The following ITK variants were observed in gnomAD, a reference collection of about 807,000 sequenced individuals.
ITK encodes the protein tyrosine-protein kinase ITK/TSK.
A neutral mutation model predicts 87.6 loss-of-function variants in ITK; 45 were observed. That is an observed-to-expected ratio of 0.51 (90% CI 0.40 to 0.66). The LOEUF is 0.66. Among genes scored for constraint, ITK ranks in the 30% least tolerant of loss-of-function variants. The pLI, the probability that ITK is intolerant of heterozygous loss-of-function variation, is 0.00. For missense variants in ITK, 605 were observed against 766.3 expected (o/e 0.79, Z 2.48); for synonymous variants, 303 against 273.6 (o/e 1.11, Z -1.06).
At chr5:157,198,725 AT>A (rs1271454221) in intron 1 of ITK, among the ~76,000 whole-genome samples, 1 of 152,072 alleles carries the variant, frequency 6.6e-6, no homozygotes, top group Non-Finnish European at 1.5e-5. Context: ...CAAGATGCTA[AT>A]TTTTCCATAG....
chr5:157,185,477 T>C (rs1348059607), intron 1 of ITK, among the ~76,000 whole-genome samples: 2 of 152,066 alleles, frequency 1.3e-5, no homozygotes, highest in East Asian at 3.9e-4. Flanking sequence ...CCTGACCTCA[T>C]GGTCTGCCCA....
At chr5:157,236,143 G>C (rs1237960946) in intron 8 of ITK, among the ~76,000 whole-genome samples, 1 of 152,152 alleles carries the variant, frequency 6.6e-6, no homozygotes, top group Non-Finnish European at 1.5e-5. Flanking sequence ...GGAGGCCGAG[G>C]CAGGCGGATC....
At chr5:157,221,015 C>T (rs1369561835) in intron 5 of ITK, among the ~76,000 whole-genome samples, 1 of 152,090 alleles carries the variant, frequency 6.6e-6, no homozygotes, top group East Asian at 1.9e-4. Flanking sequence ...CTTGCCACCA[C>T]ACCTGGCTAA....
intron 1 of ITK, among the ~76,000 whole-genome samples, chr5:157,183,357 G>A (rs2113733920): frequency 6.6e-6 from 1 of 152,244 alleles, no homozygotes; most frequent in African/African-American, 2.4e-5. Flanking sequence ...TAAAATGGGT[G>A]TGATAATAGT....
intron 7 of ITK, among the ~76,000 whole-genome samples, chr5:157,228,861 C>A (rs1473315670): frequency 6.6e-6 from 1 of 152,096 alleles, no homozygotes; most frequent in Non-Finnish European, 1.5e-5. Context: ...CTTCCGGGCT[C>A]TAGTGATCCT....
intron 15 of ITK, among the ~76,000 whole-genome samples, chr5:157,248,097 A>G (rs1219532369): frequency 6.6e-6 from 1 of 152,180 alleles, no homozygotes; most frequent in Non-Finnish European, 1.5e-5. Context: ...AGACTCTGAG[A>G]TGATTTTTAT....
At chr5:157,199,309 G>A (rs751037203) in intron 1 of ITK, 1 of 152,104 alleles carries the variant, frequency 6.6e-6, no homozygotes, top group Non-Finnish European at 1.5e-5. Flanking sequence ...TTTTAGAAAC[G>A]TGGAGATGTC....
At chr5:157,213,468 A>G (rs968962776) in intron 3 of ITK, 9 of 395,566 alleles carry the variant, frequency 2.3e-5, no homozygotes, top group East Asian at 7.1e-5. Flanking sequence ...GCCTCGACCT[A>G]TTGGGCTCAA....
chr5:157,196,011 G>A (rs1204379196), intron 1 of ITK: 1 of 152,152 alleles, frequency 6.6e-6, no homozygotes. Flanking sequence ...AAAACCTGGG[G>A]AAATTTTTGG....
Position 157,217,638 on chromosome 5 carries a change from G to A in ITK, c.455-229G>A, listed in dbSNP as rs2288504. 0.38 allele frequency among the ~76,000 whole-genome samples: 58,275 copies of A among 151,896 alleles called. 11,328 individuals are homozygous for A. Among genetic ancestry groups the A allele is most frequent in the East Asian group, 0.57 (2,918 of 5,144 alleles). On this transcript the variant is annotated intron_variant, in intron 4 of 16. Transcript: ENST00000422843. ...CGAATATGGACTTCTGGAAGCTTCT[G>A]GTGTGTACTAGAAAAGGGAATCAGA...
At chr5:157,249,288 C>T (rs1755093099) in intron 16 of ITK, among the ~76,000 whole-genome samples, 2 of 152,194 alleles carry the variant, frequency 1.3e-5, no homozygotes, top group Non-Finnish European at 2.9e-5. Flanking sequence ...GCTTCCTTCT[C>T]GATTTTCTGA....
At chr5:157,205,107 G>A (rs912894995) in intron 1 of ITK, among the ~76,000 whole-genome samples, 20 of 152,288 alleles carry the variant, frequency 1.3e-4, no homozygotes, top group African/African-American at 4.3e-4. Flanking sequence ...CTTTAATTGG[G>A]AAGATACCCT....
rs576699975 is a variant in ITK, at chr5:157,251,159, C to T, written c.1792-1448C>T. Among the ~76,000 whole-genome samples the T allele has an allele frequency of 5.3e-5, 8 of 152,306 alleles. No individual in the cohort carries two copies. In the South Asian group the frequency reaches 1.0e-3, roughly 20 times the overall value. The stretch of plus-strand genomic sequence containing the variant: ...ACATTCCCACCAGCAATGAGAGTTC[C>T]TTATTAGCATTCATTGTTTTGGATT... On this transcript the variant is annotated intron_variant, in intron 16 of 16. Coordinates refer to ENST00000422843, the MANE Select transcript of ITK (RefSeq NM_005546.4).
intron 5 of ITK, among the ~76,000 whole-genome samples, chr5:157,219,393 G>A (rs115038939): frequency 0.015 from 2,356 of 152,242 alleles, 52 homozygotes; most frequent in African/African-American, 0.053. Flanking sequence ...AATTACAGGC[G>A]TGAGCCACTG....
chr5:157,201,832 CA>C (rs564723375), intron 1 of ITK, among the ~76,000 whole-genome samples: 48 of 151,434 alleles, frequency 3.2e-4, no homozygotes, highest in African/African-American at 1.1e-3. Context: ...GATCAACATA[CA>C]AATTAATTTT....
rs1754798422 is a variant in ITK at position 157,237,397 on chromosome 5, G to A, written c.769-712G>A. On this transcript the variant is annotated intron_variant, in intron 8 of 16. Coordinates refer to ENST00000422843, the MANE Select transcript of ITK (RefSeq NM_005546.4). The stretch of plus-strand genomic sequence containing the variant: ...CTCCAAAAGTTGGAAGGAATGGAGA[G>A]TGGCAAGGATAGAAAAACTACCTAT... Among the ~76,000 whole-genome samples the A allele has an allele frequency of 3.3e-5, 5 of 152,218 alleles. No homozygotes were observed. The South Asian group carries it at 1.0e-3, about 32-fold the overall frequency.
chr5:157,213,392 A>C (rs749514535), intron 3 of ITK, among the ~76,000 whole-genome samples: 31 of 152,256 alleles, frequency 2.0e-4, no homozygotes, highest in Non-Finnish European at 3.2e-4. Context: ...GAGCCAAACG[A>C]TATCAGACAG....
rs1755160509 is a variant in ITK at position 157,252,505 on chromosome 5, A to G, written c.1792-102A>G. On this transcript the variant is annotated intron_variant, in intron 16 of 16. Transcript: ENST00000422843. The stretch of plus-strand genomic sequence containing the variant: ...ATACAGTCAACATGGAAGCACATAC[A>G]AAAATCCACAGGGGATGCTGCTATT... 14 of 865,542 alleles carry G rather than the reference A, an allele frequency of 1.6e-5. No individual in the cohort carries two copies. In the South Asian group the frequency reaches 1.9e-4, roughly 12 times the overall value. The allele number at this position is 865,542 out of a possible 1,614,324, so 53.6% of individuals were successfully genotyped here.
At chr5:157,238,025 C>A in intron 8 of ITK, 84 bp from the exon 9 acceptor site, 1 of 1,009,170 alleles carries the variant, frequency 9.9e-7, no homozygotes, top group Non-Finnish European at 1.6e-6. Flanking sequence ...GTATTTCCTC[C>A]TTCTGTGGGC....
Sources: allele counts gnomAD v4.1 joint callset (sites outside exome capture counted in the v4.1 genomes callset), GRCh38; gene constraint gnomAD v4.1.1; transcripts MANE v1.5; gene names NCBI Gene and HGNC (gene_info 2026-07-23, HGNC 2026-07-21).